Variants in TGFBR1 observed in about 807,000 individuals in gnomAD.
TGFBR1 encodes the protein transforming growth factor beta receptor 1.
A neutral mutation model predicts 55.1 loss-of-function variants in TGFBR1; 20 were observed. The ratio of observed to expected loss-of-function variants is 0.36; its 90% confidence interval spans 0.26 to 0.53. TGFBR1 has a LOEUF of 0.53. TGFBR1 is among the 20% of genes least tolerant of loss of function. The probability of loss-of-function intolerance (pLI) is 0.91; values close to 1 mark genes in which losing one functional copy is unlikely to be tolerated. For missense variants in TGFBR1, 385 were observed against 617.6 expected (o/e 0.62, Z 3.99); for synonymous variants, 220 against 214.8 (o/e 1.02, Z -0.21).
chr9:99,149,486 TG>T lies in TGFBR1; in HGVS notation c.*184del, dbSNP rs1827915399. 4 of 744,176 alleles carry T rather than the reference TG, an allele frequency of 5.4e-6. No homozygotes were observed. The highest frequency in any genetic ancestry group is 8.9e-6 in the Non-Finnish European group (4 of 451,440). 46.1% of individuals were successfully genotyped at this position (744,176 alleles called of 1,614,324 possible). A position where few individuals can be genotyped will look rare whatever the true frequency, so the allele number is the denominator to read the frequency against. ...TCTTTGGACCCAGGAAACAGCCATG[TG>T]GGTCCTTTCTGTGCACTATGAACGC... On this transcript the variant is annotated 3_prime_UTR_variant, in exon 9 of 9. Transcript: ENST00000374994.
chr9:99,128,252 G>T (rs1827097956), intron 1 of TGFBR1, among the ~76,000 whole-genome samples: 2 of 152,078 alleles, frequency 1.3e-5, no homozygotes, highest in Admixed American at 6.6e-5. Context: ...TAGTCTGCTT[G>T]GCTTCCCTAA....
At chr9:99,110,389 T>G (rs1235090723) in intron 1 of TGFBR1, among the ~76,000 whole-genome samples, 3 of 152,200 alleles carry the variant, frequency 2.0e-5, no homozygotes, top group African/African-American at 7.2e-5. Flanking sequence ...ACGGCATCAT[T>G]TAGTTCTCAT....
chr9:99,123,163 C>T (rs1826943130), intron 1 of TGFBR1, among the ~76,000 whole-genome samples: 1 of 152,100 alleles, frequency 6.6e-6, no homozygotes, highest in Admixed American at 6.6e-5. Context: ...GGATACTCAA[C>T]TTGTAATCTT....
rs539413187 is a variant in TGFBR1 at position 99,132,617 on chromosome 9, G to A, written c.452G>A (p.Arg151His). 6.2e-6 allele frequency: 10 copies of A among 1,614,130 alleles called. No individual in the cohort carries two copies. Among genetic ancestry groups the A allele is most frequent in the Admixed American group, 5.0e-5 (3 of 60,010 alleles). The change falls in exon 3 of 9, where the codon CGC (arginine) becomes CAC (histidine). Residue 151 changes from arginine to histidine, a missense_variant. Physicochemically the swap from Arg to His is conservative, Grantham distance 29. This residue lies in a region of TGFBR1 where 146 missense variants were observed against 167.7 expected (regional missense o/e 0.87). Coordinates refer to ENST00000374994, the MANE Select transcript of TGFBR1 (RefSeq NM_004612.4). ...LMLMVYICHN[R>H]TVIHHRVPNE... ...TTGATGGTCTATATCTGCCACAACCGCACTGTCATTCACCATCGAGTGCCA... is the reference window on the plus strand; with the variant it reads ...TTGATGGTCTATATCTGCCACAACCACACTGTCATTCACCATCGAGTGCCA...
intron 3 of TGFBR1, among the ~76,000 whole-genome samples, chr9:99,135,494 C>T (rs1306554919): frequency 6.6e-6 from 1 of 152,196 alleles, no homozygotes; most frequent in Non-Finnish European, 1.5e-5. Flanking sequence ...AGGAAAGGCC[C>T]TGTCTCTACC....
At chr9:99,135,717 A>G (rs916105859) in intron 3 of TGFBR1, among the ~76,000 whole-genome samples, 2 of 152,164 alleles carry the variant, frequency 1.3e-5, no homozygotes, top group African/African-American at 2.4e-5. Context: ...TGTTCACTGC[A>G]TGTAAAGCTG....
Position 99,147,745 on chromosome 9 carries a change from G to C in TGFBR1, c.1347G>C (p.Lys449Asn). Residue 449 changes from lysine (K) to asparagine (N), a missense_variant, in exon 8 of 9, where the codon AAG (lysine) becomes AAC (asparagine). By Grantham distance (94) the Lys-to-Asn change is moderately conservative (BLOSUM62 0). Around this residue, in one of 5 missense-constraint regions of TGFBR1, gnomAD observed 110 missense variants for 154.6 expected, o/e 0.71. Transcript: ENST00000374994. ...EEMRKVVCEQ[K>N]LRPNIPNRWQ... ...TGAGAAAAGTTGTTTGTGAACAGAA[G>C]TTAAGGCCAAATATCCCAAACAGAT... The C allele has an allele frequency of 1.2e-6, 2 of 1,613,876 alleles. No homozygotes were observed. Among genetic ancestry groups the C allele is most frequent in the Non-Finnish European group, 1.7e-6 (2 of 1,179,864 alleles).
intron 4 of TGFBR1, among the ~76,000 whole-genome samples, chr9:99,140,777 A>G (rs564571737): frequency 3.9e-5 from 6 of 152,250 alleles, no homozygotes; most frequent in African/African-American, 1.2e-4. Context: ...GCAACTCTCA[A>G]ATCTCCATTT....
intron 1 of TGFBR1, chr9:99,127,826 A>T (rs1406633017): frequency 2.4e-6 from 1 of 414,648 alleles, no homozygotes; most frequent in Non-Finnish European, 4.8e-6. Flanking sequence ...ATTTCATGTG[A>T]CCATGGTGAA....
At chr9:99,107,168 G>T (rs969157450) in intron 1 of TGFBR1, among the ~76,000 whole-genome samples, 1 of 152,114 alleles carries the variant, frequency 6.6e-6, no homozygotes, top group Non-Finnish European at 1.5e-5. Flanking sequence ...AGCTGTCCAG[G>T]TGCTTATTAC....
At chr9:99,145,267 A>T (rs1322103557) in intron 6 of TGFBR1, among the ~76,000 whole-genome samples, 1 of 152,172 alleles carries the variant, frequency 6.6e-6, no homozygotes, top group Non-Finnish European at 1.5e-5. Context: ...GTTCCTAAAA[A>T]TATGCCTTTC....
intron 1 of TGFBR1, among the ~76,000 whole-genome samples, chr9:99,123,895 T>C (rs2118493924): frequency 6.6e-6 from 1 of 152,334 alleles, no homozygotes; most frequent in South Asian, 2.1e-4. Context: ...TTATGTTCGT[T>C]TCCAAATGTG....
In TGFBR1 at chr9:99,137,932, T is replaced by C; in HGVS notation, c.648T>C (p.Phe216=). 1 of 1,614,098 alleles carries C rather than the reference T, an allele frequency of 6.2e-7. No homozygotes were observed. The highest frequency in any genetic ancestry group is 8.5e-7 in the Non-Finnish European group (1 of 1,179,968). ...VLQESIGKGR[F]GEVWRGKWRG... is the part of the protein sequence containing the mutation. Reference sequence around the variant, plus strand: ...AAGAAAGCATTGGCAAAGGTCGATTTGGAGAAGTTTGGAGAGGAAAGTGGC... The same window carrying C: ...AAGAAAGCATTGGCAAAGGTCGATTCGGAGAAGTTTGGAGAGGAAAGTGGC... Residue 216 remains phenylalanine, a synonymous_variant, in exon 4 of 9, where the codon TTT becomes TTC. Transcript: ENST00000374994.
At chr9:99,106,158 A>G (rs1400327518) in intron 1 of TGFBR1, among the ~76,000 whole-genome samples, 2 of 152,252 alleles carry the variant, frequency 1.3e-5, no homozygotes, top group Non-Finnish European at 2.9e-5. Flanking sequence ...ATTTCCTCGA[A>G]GGAACATCAC....
intron 3 of TGFBR1, among the ~76,000 whole-genome samples, chr9:99,134,802 TTATA>T (rs10625219): frequency 0.031 from 1,247 of 40,734 alleles, 12 homozygotes; most frequent in Middle Eastern, 0.034. Flanking sequence ...TCTGTTTCCA[TTATA>T]TATATATATA....
Position 99,144,689 on chromosome 9 carries a change from G to T in TGFBR1, c.974-43G>T, listed in dbSNP as rs201538774. ...AACCTAAAGATGTGAGTTGTGATTG[G>T]TATTACCTTTTAAGCAGTCATGTTT... On this transcript the variant is annotated intron_variant, in intron 5 of 8. Coordinates refer to ENST00000374994, the MANE Select transcript of TGFBR1 (RefSeq NM_004612.4). 2.2e-5 allele frequency: 35 copies of T among 1,611,226 alleles called. No individual in the cohort carries two copies. In the African/African-American group the frequency reaches 4.0e-4, roughly 18 times the overall value.
intron 3 of TGFBR1, among the ~76,000 whole-genome samples, chr9:99,132,965 C>T (rs1392987290): frequency 1.3e-5 from 2 of 152,166 alleles, no homozygotes; most frequent in Admixed American, 1.3e-4. Flanking sequence ...AATAAGTCAG[C>T]TCCATGGTGG....
chr9:99,142,760 T>C, intron 5 of TGFBR1, 57 bp downstream of exon 5: 1 of 1,596,302 alleles, frequency 6.3e-7, no homozygotes, highest in Non-Finnish European at 8.6e-7. Context: ...ATAATGTCTA[T>C]GAAAATAGAA....
chr9:99,118,799 A>G (rs1388774093), intron 1 of TGFBR1, among the ~76,000 whole-genome samples: 4 of 151,840 alleles, frequency 2.6e-5, no homozygotes, highest in Non-Finnish European at 4.4e-5. Flanking sequence ...GGTGCGTGCC[A>G]CCACACCTGG....
Sources: gnomAD v4.1 joint callset for allele counts (sites outside exome capture counted in the v4.1 genomes callset) on GRCh38, gnomAD v4.1.1 for gene constraint, gnomAD v4.1.1 regional missense constraint, MANE v1.5 for transcripts, NCBI Gene and HGNC (gene_info 2026-07-23, HGNC 2026-07-21) for gene names.